LYPD5: variants seen among roughly 807,000 people sequenced by gnomAD.
LYPD5 encodes the protein ly6/PLAUR domain-containing protein 5.
A neutral mutation model predicts 19.1 loss-of-function variants in LYPD5; 21 were observed. The ratio of observed to expected loss-of-function variants is 1.10; its 90% CI spans 0.78 to 1.58. The LOEUF (loss-of-function observed/expected upper bound fraction) is 1.58. Among genes scored for constraint, LYPD5 ranks in the 40% most tolerant of loss-of-function variants. The pLI, the probability that LYPD5 is intolerant of heterozygous loss-of-function variation, is 0.00. For missense variants in LYPD5, 287 were observed against 329.8 expected (o/e 0.87, Z 1.00); for synonymous variants, 128 against 142.7 (o/e 0.90, Z 0.74).
intron 1 of LYPD5, among the ~76,000 whole-genome samples, chr19:43,812,374 T>TATCTATCTATCTATCA (rs1039208367): frequency 2.0e-4 from 25 of 124,848 alleles, no homozygotes; most frequent in Admixed American, 8.4e-4. Flanking sequence ...TCTATCTATC[T>TATCTATCTATCTATCA]ATCAATCTAT....
chr19:43,807,728 G>A (rs991626133), intron 1 of LYPD5, among the ~76,000 whole-genome samples: 1 of 152,232 alleles, frequency 6.6e-6, no homozygotes, highest in Non-Finnish European at 1.5e-5. Context: ...AAGGAAACTG[G>A]ATTTTGAGCA....
chr19:43,802,635 T>G (rs1240972062), upstream of LYPD5, among the ~76,000 whole-genome samples: 1 of 152,002 alleles, frequency 6.6e-6, no homozygotes, highest in Non-Finnish European at 1.5e-5. Flanking sequence ...GAATGATTGG[T>G]GTCTTGTTGG....
intron 1 of LYPD5, among the ~76,000 whole-genome samples, chr19:43,817,790 C>T (rs1970385571): frequency 2.0e-5 from 3 of 151,780 alleles, no homozygotes; most frequent in African/African-American, 7.3e-5. Context: ...CATCTCAGCT[C>T]ACTGCAATCT....
upstream of LYPD5, among the ~76,000 whole-genome samples, chr19:43,806,585 C>T (rs905597584): frequency 1.1e-4 from 16 of 152,022 alleles, no homozygotes; most frequent in Admixed American, 8.5e-4. Flanking sequence ...TCCTTGAACA[C>T]GGAAGGCGGA....
intron 1 of LYPD5, among the ~76,000 whole-genome samples, chr19:43,810,894 G>C (rs1049709015): frequency 5.9e-5 from 9 of 151,814 alleles, no homozygotes; most frequent in African/African-American, 2.2e-4. Context: ...CCTCCCAAAG[G>C]ACTGGGATTA....
At chr19:43,801,571 T>G (rs1426151290) in intron 1 of LYPD5, among the ~76,000 whole-genome samples, 1 of 152,090 alleles carries the variant, frequency 6.6e-6, no homozygotes, top group Non-Finnish European at 1.5e-5. Flanking sequence ...AAATCACAGA[T>G]ACATAAACAC....
Position 43,797,791 on chromosome 19 carries a change from G to A in LYPD5, c.556C>T (p.Arg186Trp), listed in dbSNP as rs375412372. The part of the protein sequence containing the change: ...SVPVYIRTCH[R>W]PSCTTEGTTS... Reference sequence around the variant, plus strand: ...GTGCCCTCGGTGGTGCAGGAGGGCCGGTGGCAGGTTCTGATGTACACAGGG... The same window carrying A: ...GTGCCCTCGGTGGTGCAGGAGGGCCAGTGGCAGGTTCTGATGTACACAGGG... Residue 186 changes from arginine (R) to tryptophan (W), a missense_variant, in exon 5 of 5, where the codon CGG becomes TGG. Arg to Trp is a moderately radical substitution (Grantham distance 101). Coordinates refer to ENST00000377950, the MANE Select transcript of LYPD5 (RefSeq NM_001031749.3). The A allele has an allele frequency of 2.0e-5, 33 of 1,613,644 alleles. No individual in the cohort carries two copies. The Admixed American group carries it at 3.2e-4, about 15-fold the overall frequency.
chr19:43,799,121 C>G, intron 2 of LYPD5, 133 bp from the exon 3 acceptor site: 1 of 1,058,536 alleles, frequency 9.4e-7, no homozygotes, highest in South Asian at 1.7e-5. Flanking sequence ...TCCTTCCTCT[C>G]ACCCCCAGAC....
intron 2 of LYPD5, 146 bp from the exon 3 acceptor site, chr19:43,799,134 T>C (rs889202134): frequency 3.9e-5 from 30 of 768,418 alleles, no homozygotes; most frequent in Middle Eastern, 8.1e-4. Flanking sequence ...CCCCAGACCT[T>C]TTCCCCCGAG....
intron 2 of LYPD5, 141 bp from the exon 3 acceptor site, chr19:43,799,129 G>GTTCTTCTCTTCCTCCACTCGGGGGA: frequency 1.4e-6 from 1 of 692,688 alleles, no homozygotes; most frequent in Non-Finnish European, 2.1e-6. Context: ...CTCACCCCCA[G>GTTCTTCTCTTCCTCCACTCGGGGGA]ACCTTTTCCC....
chr19:43,811,208 C>T (rs1358820540), intron 1 of LYPD5, among the ~76,000 whole-genome samples: 1 of 151,936 alleles, frequency 6.6e-6, no homozygotes, highest in Admixed American at 6.6e-5. Context: ...GGTGCCATGG[C>T]TTATGCCTGT....
rs1468420903 is a variant in LYPD5 at position 43,817,886 on chromosome 19, TTTTTA to T, written c.-66+2649_-66+2653del. Among the ~76,000 whole-genome samples the T allele has an allele frequency of 2.0e-5, 3 of 152,010 alleles. No homozygotes were observed. The East Asian group carries it at 5.8e-4, about 29-fold the overall frequency. ...TGTGCACCACCACACGCAAGTAATT[TTTTTA>T]TTTTAGTAGAGATGAGGTTTCACCT... On this transcript the variant is annotated intron_variant, in intron 1 of 4. Transcript: ENST00000414615.
intron 1 of LYPD5, among the ~76,000 whole-genome samples, chr19:43,817,298 C>T (rs1478943448): frequency 6.6e-6 from 1 of 152,116 alleles, no homozygotes; most frequent in Non-Finnish European, 1.5e-5. Context: ...CTTGCATGAA[C>T]CCATGGGAGC....
At chr19:43,813,529 C>T (rs1162817610) in intron 1 of LYPD5, among the ~76,000 whole-genome samples, 1 of 152,174 alleles carries the variant, frequency 6.6e-6, no homozygotes, top group Non-Finnish European at 1.5e-5. Context: ...AACACACAGG[C>T]ATAGCTTTCA....
intron 1 of LYPD5, among the ~76,000 whole-genome samples, chr19:43,820,096 C>T (rs1970406774): frequency 6.6e-6 from 1 of 152,218 alleles, no homozygotes; most frequent in Non-Finnish European, 1.5e-5. Flanking sequence ...GTCACAGTCA[C>T]AGATTCATTC....
In LYPD5 at chr19:43,812,879, G is replaced by T. The variant is rs59882015; in HGVS notation, c.-66+7661C>A. 6.9e-4 allele frequency among the ~76,000 whole-genome samples: 105 copies of T among 152,280 alleles called. No homozygotes were observed. In the Middle Eastern group the frequency reaches 0.01, roughly 15 times the overall value. On this transcript the variant is annotated intron_variant, in intron 1 of 4. Coordinates refer to the LYPD5 transcript ENST00000414615. ...TTCTAGGTCATCACCATGGAAATGG[G>T]TGGTAACTTCCGGGTATTGCCATGG...
intron 4 of LYPD5, 77 bp downstream of exon 4, chr19:43,798,378 G>A (rs1970166587): frequency 6.5e-7 from 1 of 1,544,126 alleles, no homozygotes; most frequent in Non-Finnish European, 8.8e-7. Flanking sequence ...TGTTGGGCCT[G>A]TCTGGTATCA....
chr19:43,802,219 T>G, intron 1 of LYPD5, 98 bp downstream of exon 1: 1 of 840,836 alleles, frequency 1.2e-6, no homozygotes, highest in Non-Finnish European at 1.7e-6. Flanking sequence ...CCCTCCTCCC[T>G]CAGACCCAGG....
Position 43,798,873 on chromosome 19 carries a change from G to C in LYPD5, c.309C>G (p.Cys103Trp). 1 of 1,608,322 alleles carries C rather than the reference G, an allele frequency of 6.2e-7. No individual in the cohort carries two copies. Among genetic ancestry groups the C allele is most frequent in the Non-Finnish European group, 8.5e-7 (1 of 1,177,564 alleles). Residue 103 changes from cysteine (C) to tryptophan (W), a missense_variant, in exon 3 of 5, where the codon TGC becomes TGG. Transcript: ENST00000377950. ...GGTGGGCGTTGCATTTGTCAGTTGTGCAGCCGCGCACCACCGAGTAGTCTG... is the reference window on the plus strand; with the variant it reads ...GGTGGGCGTTGCATTTGTCAGTTGTCCAGCCGCGCACCACCGAGTAGTCTG... ...LPPDYSVVRG[C>W]TTDKCNAHLM...
Sources: gnomAD v4.1 joint callset for allele counts (sites outside exome capture counted in the v4.1 genomes callset) on GRCh38, gnomAD v4.1.1 for gene constraint, MANE v1.5 for transcripts, NCBI Gene and HGNC (gene_info 2026-07-23, HGNC 2026-07-21) for gene names.